The following DNM3 variants were observed in gnomAD, a reference collection of about 807,000 sequenced individuals.
The protein encoded by DNM3 is dynamin-3.
DNM3 carries 47 observed loss-of-function variants against 101.6 expected under a neutral mutation model. That is an observed-to-expected ratio of 0.46 (90% CI 0.37 to 0.59). The LOEUF (loss-of-function observed/expected upper bound fraction) is 0.59, where lower values mean the gene tolerates loss of function less well. Ranked by LOEUF, DNM3 falls within the 20% of genes least tolerant of loss-of-function variation. DNM3 has a pLI of 0.00. For missense variants in DNM3, 849 were observed against 1,085.7 expected (o/e 0.78, Z 3.06); for synonymous variants, 385 against 387.9 (o/e 0.99, Z 0.09).
chr1:172,084,459 G>T (rs1367724995), intron 12 of DNM3, among the ~76,000 whole-genome samples: 1 of 152,068 alleles, frequency 6.6e-6, no homozygotes, highest in African/African-American at 2.4e-5. Context: ...CTCTAAATGT[G>T]ATATTTTGCC....
At chr1:172,165,463 T>C (rs1379459888) in intron 14 of DNM3, among the ~76,000 whole-genome samples, 3 of 152,104 alleles carry the variant, frequency 2.0e-5, no homozygotes, top group East Asian at 3.9e-4. Context: ...ATTTATAGGT[T>C]GCAGTTCAAA....
chr1:172,311,306 T>G (rs2065068666), intron 16 of DNM3: 2 of 140,732 alleles, frequency 1.4e-5, no homozygotes, highest in African/African-American at 5.5e-5. Flanking sequence ...GCTTGGTTAT[T>G]TATCAATGTG....
intron 1 of DNM3, among the ~76,000 whole-genome samples, chr1:171,914,997 G>A (rs2039603639): frequency 6.6e-6 from 1 of 152,068 alleles, no homozygotes; most frequent in Admixed American, 6.5e-5. Flanking sequence ...GGATAGGGAT[G>A]TGCCTAGACA....
chr1:172,098,108 T>G (rs2147858457), intron 13 of DNM3, among the ~76,000 whole-genome samples: 1 of 152,202 alleles, frequency 6.6e-6, no homozygotes, highest in African/African-American at 2.4e-5. Flanking sequence ...GAGACAGGGT[T>G]TGAGAGCAGA....
chr1:172,184,144 T>C (rs1488716804), intron 14 of DNM3, among the ~76,000 whole-genome samples: 1 of 152,046 alleles, frequency 6.6e-6, no homozygotes, highest in Non-Finnish European at 1.5e-5. Context: ...GGTTTATTGT[T>C]GCAATGTTTT....
chr1:171,914,031 C>G (rs1417988524), intron 1 of DNM3, among the ~76,000 whole-genome samples: 3 of 152,172 alleles, frequency 2.0e-5, no homozygotes, highest in Non-Finnish European at 2.9e-5. Flanking sequence ...CTCAAGTGAT[C>G]CTCCTGCCTT....
chr1:172,134,169 A>C (rs1042886361), intron 14 of DNM3, among the ~76,000 whole-genome samples: 5 of 152,154 alleles, frequency 3.3e-5, no homozygotes, highest in Non-Finnish European at 7.4e-5. Flanking sequence ...GGTGCGGAGC[A>C]CTTAAGTTCA....
intron 14 of DNM3, among the ~76,000 whole-genome samples, chr1:172,218,491 G>C (rs1403319837): frequency 6.6e-6 from 1 of 151,820 alleles, no homozygotes; most frequent in African/African-American, 2.4e-5. Flanking sequence ...GTTTTTTGTT[G>C]GCATATCTGA....
At chr1:172,234,412 T>C (rs1031995775) in intron 14 of DNM3, among the ~76,000 whole-genome samples, 4 of 152,162 alleles carry the variant, frequency 2.6e-5, no homozygotes, top group African/African-American at 9.7e-5. Flanking sequence ...GAACATTCCA[T>C]GCTCATGGAT....
At chr1:171,916,911 G>A (rs186680390) in intron 1 of DNM3, among the ~76,000 whole-genome samples, 32 of 152,172 alleles carry the variant, frequency 2.1e-4, no homozygotes, top group Middle Eastern at 6.8e-3. Context: ...CCATGTCTTC[G>A]TATATCTGAT....
chr1:172,076,404 G>A (rs1465310228), intron 11 of DNM3, among the ~76,000 whole-genome samples: 5 of 152,294 alleles, frequency 3.3e-5, no homozygotes, highest in African/African-American at 1.2e-4. Context: ...AGTTTTCAAA[G>A]GGAATGCTTC....
At chr1:171,962,333 T>A (rs2043272123) in intron 2 of DNM3, among the ~76,000 whole-genome samples, 1 of 152,080 alleles carries the variant, frequency 6.6e-6, no homozygotes, top group Admixed American at 6.6e-5. Context: ...ATACTGAGAA[T>A]AGGTAGGTAA....
At chr1:172,348,773 A>T (rs1278524950) in intron 17 of DNM3, among the ~76,000 whole-genome samples, 1 of 152,062 alleles carries the variant, frequency 6.6e-6, no homozygotes, top group East Asian at 1.9e-4. Context: ...CTGGTGCTTT[A>T]AAAAAAATCT....
At chr1:172,250,300 A>C (rs1188185047) in intron 14 of DNM3, among the ~76,000 whole-genome samples, 3 of 152,154 alleles carry the variant, frequency 2.0e-5, no homozygotes, top group Non-Finnish European at 4.4e-5. Context: ...CAAGTTGGGA[A>C]AAGATGTATT....
At chr1:172,365,801 G>A (rs1465130252) in intron 17 of DNM3, among the ~76,000 whole-genome samples, 1 of 151,930 alleles carries the variant, frequency 6.6e-6, no homozygotes, top group Non-Finnish European at 1.5e-5. Context: ...TGAGCGCAAA[G>A]AGATGAGTAA....
intron 13 of DNM3, among the ~76,000 whole-genome samples, chr1:172,112,767 G>T (rs949596827): frequency 1.3e-5 from 2 of 152,194 alleles, no homozygotes; most frequent in African/African-American, 4.8e-5. Context: ...TCATAAGGTT[G>T]AGTCGCTCTA....
chr1:172,156,841 A>G (rs1304585372), intron 14 of DNM3, among the ~76,000 whole-genome samples: 1 of 152,112 alleles, frequency 6.6e-6, no homozygotes, highest in Non-Finnish European at 1.5e-5. Flanking sequence ...CTTTTAAGTT[A>G]GAAGACTTGA....
At chr1:172,234,076 A>G (rs1344677168) in intron 14 of DNM3, among the ~76,000 whole-genome samples, 1 of 152,134 alleles carries the variant, frequency 6.6e-6, no homozygotes, top group Non-Finnish European at 1.5e-5. Flanking sequence ...AAGGGTATTC[A>G]ATTAGGAAAA....
At chr1:172,055,689 A>G (rs1171070691) in intron 10 of DNM3, among the ~76,000 whole-genome samples, 1 of 152,194 alleles carries the variant, frequency 6.6e-6, no homozygotes, top group Non-Finnish European at 1.5e-5. Flanking sequence ...ATTATGTCTC[A>G]TTGATTCAGC....
Sources: allele counts gnomAD v4.1 joint callset (sites outside exome capture counted in the v4.1 genomes callset), GRCh38; gene constraint gnomAD v4.1.1; transcripts MANE v1.5; gene names NCBI Gene and HGNC (gene_info 2026-07-23, HGNC 2026-07-21).